The following XYLB variants were observed in gnomAD, a reference collection of about 807,000 sequenced individuals.
XYLB encodes xylulokinase.
Under a neutral mutation model 78.7 loss-of-function variants are expected in XYLB, and 62 were observed. The observed-to-expected ratio is 0.79, with a 90% confidence interval of 0.64 to 0.97. The LOEUF (loss-of-function observed/expected upper bound fraction) is 0.97, where lower values mean the gene tolerates loss of function less well. Ranked by LOEUF, XYLB falls within the 50% of genes least tolerant of loss-of-function variation. The pLI, the probability that XYLB is intolerant of heterozygous loss-of-function variation, is 0.00. For missense variants in XYLB, 687 were observed against 676.8 expected, an observed-to-expected ratio of 1.02 and a Z score of -0.17; for synonymous variants, 245 against 247.4, an observed-to-expected ratio of 0.99 and a Z score of 0.09.
chr3:38,356,341 A>C (rs982796296), intron 2 of XYLB: 1 of 152,954 alleles, frequency 6.5e-6, no homozygotes, highest in African/African-American at 2.4e-5. Context: ...GTACAATTTG[A>C]TGGTTTTAGT....
chr3:38,429,325 T>C, the XYLB span, among the ~76,000 whole-genome samples: 1 of 152,174 alleles, frequency 6.6e-6, no homozygotes, highest in African/African-American at 2.4e-5. Flanking sequence ...TCTCTGCTCA[T>C]GGGAATCAAC....
chr3:38,348,060 A>G (rs543106533), intron 1 of XYLB, among the ~76,000 whole-genome samples: 1 of 152,328 alleles, frequency 6.6e-6, no homozygotes, highest in Admixed American at 6.5e-5. Flanking sequence ...TATACTCCCA[A>G]GCTTGGAGAT....
chr3:38,356,342 TGG>T (rs1705654274), intron 2 of XYLB: 1 of 152,922 alleles, frequency 6.5e-6, no homozygotes, highest in Non-Finnish European at 1.5e-5. Flanking sequence ...TACAATTTGA[TGG>T]TTTTAGTATA....
chr3:38,403,716 C>A (rs953492803), intron 18 of XYLB, among the ~76,000 whole-genome samples: 2 of 152,022 alleles, frequency 1.3e-5, no homozygotes, highest in African/African-American at 4.8e-5. Flanking sequence ...TAGAAGGAGG[C>A]CAGCAAGGAG....
At chr3:38,394,369 A>G (rs895014209) in intron 15 of XYLB, among the ~76,000 whole-genome samples, 5 of 152,184 alleles carry the variant, frequency 3.3e-5, no homozygotes, top group East Asian at 1.9e-4. Context: ...ATTGATTATT[A>G]TAAGTTGATT....
the XYLB span, among the ~76,000 whole-genome samples, chr3:38,446,892 A>C: frequency 1.3e-5 from 2 of 152,202 alleles, no homozygotes; most frequent in East Asian, 3.8e-4. Flanking sequence ...TCAAAAGCAC[A>C]GGCCATAAAC....
chr3:38,357,896 A>G (rs1383380039), intron 2 of XYLB, among the ~76,000 whole-genome samples: 1 of 83,314 alleles, frequency 1.2e-5, no homozygotes. Context: ...CTCTTTTATT[A>G]TTGAGTTGTA....
intron 18 of XYLB, among the ~76,000 whole-genome samples, chr3:38,403,764 C>T (rs999049241): frequency 6.6e-6 from 1 of 152,070 alleles, no homozygotes; most frequent in Non-Finnish European, 1.5e-5. Flanking sequence ...AGCACAGCAG[C>T]GTCTGCCTCA....
chr3:38,441,773 G>C, the XYLB span, among the ~76,000 whole-genome samples: 1 of 152,220 alleles, frequency 6.6e-6, no homozygotes, highest in African/African-American at 2.4e-5. Flanking sequence ...CCCATAAACA[G>C]TGAGGCCAGC....
chr3:38,379,400 G>T lies in XYLB; in HGVS notation c.1291+58G>T, dbSNP rs773310234. ...GTGGGGGCTCAGGGCCAGCTCACTC[G>T]CAGGGGCCAGGGCTAGTGGGGCAAT... On this transcript the variant is annotated intron_variant, in intron 15 of 18. Transcript: ENST00000207870. 1.9e-5 allele frequency: 29 copies of T among 1,554,122 alleles called. No homozygotes were observed. In the Admixed American group the frequency reaches 4.5e-4, roughly 24 times the overall value.
At chr3:38,450,090 C>A in the XYLB span, among the ~76,000 whole-genome samples, 1 of 152,118 alleles carries the variant, frequency 6.6e-6, no homozygotes, top group Non-Finnish European at 1.5e-5. Context: ...ACACTGCCCA[C>A]CCCTCCCCCA....
chr3:38,360,225 A>T, intron 2 of XYLB, 114 bp from the exon 3 acceptor site: 2 of 989,104 alleles, frequency 2.0e-6, no homozygotes, highest in Non-Finnish European at 3.2e-6. Flanking sequence ...GGGGTTGGGG[A>T]AGGTTCTCCT....
intron 10 of XYLB, among the ~76,000 whole-genome samples, chr3:38,373,118 A>G (rs1188524247): frequency 6.6e-6 from 1 of 152,160 alleles, no homozygotes; most frequent in African/African-American, 2.4e-5. Context: ...CCTCTAGGAC[A>G]TGGTTTTAAG....
At chr3:38,451,737 T>A in the XYLB span, 1 of 152,244 alleles carries the variant, frequency 6.6e-6, no homozygotes, top group African/African-American at 2.4e-5. Context: ...ATGCCATTGA[T>A]TCAGACAGGG....
chr3:38,366,281 G>A (rs704944), intron 6 of XYLB, among the ~76,000 whole-genome samples: 126,425 of 151,998 alleles, frequency 0.83, 54,544 homozygotes, highest in Non-Finnish European at 0.94. Flanking sequence ...CAATATGTGG[G>A]TGGGGAAAAT....
At chr3:38,379,686 T>C (rs1218960394) in intron 15 of XYLB, among the ~76,000 whole-genome samples, 1 of 152,170 alleles carries the variant, frequency 6.6e-6, no homozygotes, top group African/African-American at 2.4e-5. Context: ...ACATAGGCAG[T>C]GCAAGGTCTG....
Position 38,362,902 on chromosome 3 carries a change from T to C in XYLB, c.211-35T>C, listed in dbSNP as rs369984473. 5.3e-5 allele frequency: 79 copies of C among 1,480,036 alleles called. No homozygotes were observed. The African/African-American group carries it at 8.5e-4, about 16-fold the overall frequency. 91.7% of individuals were successfully genotyped at this position (1,480,036 alleles called of 1,614,324 possible). On this transcript the variant is annotated intron_variant, in intron 3 of 18. Transcript: ENST00000207870. ...GCTTGCGTGTCTGATTCAGTGGTTC[T>C]GTACAGTCATGGTGGGTTCTGTTTT...
chr3:38,375,538 T>C (rs1161576799), intron 12 of XYLB, among the ~76,000 whole-genome samples: 1 of 152,146 alleles, frequency 6.6e-6, no homozygotes, highest in African/African-American at 2.4e-5. Context: ...CTCTGTAGTG[T>C]GGCATGTCTG....
In XYLB at chr3:38,370,154, G is replaced by A. The variant is rs747685231; in HGVS notation, c.745G>A (p.Val249Ile). Reference sequence around the variant, plus strand: ...TTTAGAGGAGAAGCTTAGCCCACCAGTACCATCATGCTCAGTTGTGGTAGG... The same window carrying A: ...TTTAGAGGAGAAGCTTAGCCCACCAATACCATCATGCTCAGTTGTGGTAGG... ...PHLEEKLSPP[V>I]PSCSVVGAIS... Residue 249 changes from valine (V) to isoleucine (I), a missense_variant, in exon 9 of 19, where the codon GTA (valine) becomes ATA (isoleucine). Physicochemically the swap from Val to Ile is conservative, Grantham distance 29. Transcript: ENST00000207870. 22 of 1,613,908 alleles carry A rather than the reference G, an allele frequency of 1.4e-5. No individual in the cohort carries two copies. The highest frequency in any genetic ancestry group is 1.9e-5 in the Non-Finnish European group (22 of 1,179,920).
Sources: gnomAD v4.1 joint callset for allele counts (sites outside exome capture counted in the v4.1 genomes callset) on GRCh38, gnomAD v4.1.1 for gene constraint, MANE v1.5 for transcripts, NCBI Gene and HGNC (gene_info 2026-07-23, HGNC 2026-07-21) for gene names.